BMPR1B: variants seen among roughly 807,000 people sequenced by gnomAD.
BMPR1B encodes the protein bone morphogenetic protein receptor type 1B.
A neutral mutation model predicts 59.1 loss-of-function variants in BMPR1B; 12 were observed. The observed-to-expected ratio is 0.20, with a 90% CI of 0.13 to 0.33. The LOEUF (loss-of-function observed/expected upper bound fraction) is 0.33, where lower values mean the gene tolerates loss of function less well. Among genes scored for constraint, BMPR1B ranks in the 10% least tolerant of loss-of-function variants. The pLI is 1.00. For synonymous variants in BMPR1B, 237 were observed against 207.3 expected (o/e 1.14, Z -1.23); for missense variants, 550 against 610.9 (o/e 0.90, Z 1.05).
rs1735526558 is a variant in BMPR1B, at chr4:95,157,849, G to A, written c.*3176G>A. ...GGAAAGCACTGCTCAAAAGTCATTAGTGCCCATTTTTGAATTCCCCAAACA... is the reference window on the plus strand; with the variant it reads ...GGAAAGCACTGCTCAAAAGTCATTAATGCCCATTTTTGAATTCCCCAAACA... On this transcript the variant is annotated 3_prime_UTR_variant, in exon 13 of 13. Transcript: ENST00000515059. 6.6e-6 allele frequency: 1 copy of A among 152,076 alleles called. No individual in the cohort carries two copies. The highest frequency in any genetic ancestry group is 1.9e-4 in the East Asian group (1 of 5,182). The allele number at this position is 152,076 out of a possible 1,614,324, so 9.4% of individuals were successfully genotyped here. A position where few individuals can be genotyped will look rare whatever the true frequency, so the allele number is the denominator to read the frequency against.
intron 2 of BMPR1B, among the ~76,000 whole-genome samples, chr4:94,952,465 G>C (rs544009751): frequency 1.3e-5 from 2 of 152,048 alleles, no homozygotes; most frequent in Non-Finnish European, 2.9e-5. Context: ...TTGTGTCTTC[G>C]TTCTCATTGG....
At chr4:95,000,736 TAAC>T (rs1278623868) in intron 3 of BMPR1B, among the ~76,000 whole-genome samples, 1 of 152,026 alleles carries the variant, frequency 6.6e-6, no homozygotes, top group Non-Finnish European at 1.5e-5. Context: ...GGAAAGATTA[TAAC>T]AACAACAAAC....
chr4:95,108,709 C>T (rs1437826527), intron 4 of BMPR1B, among the ~76,000 whole-genome samples: 2 of 152,202 alleles, frequency 1.3e-5, no homozygotes, highest in South Asian at 2.1e-4. Context: ...GTAGTACAAA[C>T]ATAGTGTGAC....
At chr4:95,110,689 C>A (rs1400274813) in intron 4 of BMPR1B, among the ~76,000 whole-genome samples, 2 of 152,184 alleles carry the variant, frequency 1.3e-5, no homozygotes, top group African/African-American at 2.4e-5. Flanking sequence ...CTTATGATGT[C>A]TGTCCCTATT....
intron 1 of BMPR1B, among the ~76,000 whole-genome samples, chr4:94,819,970 T>C (rs1724145192): frequency 6.6e-6 from 1 of 152,206 alleles, no homozygotes; most frequent in Non-Finnish European, 1.5e-5. Flanking sequence ...CATCCTGAGA[T>C]TTCTCCCCTG....
At chr4:94,830,315 A>G (rs990064711) in intron 1 of BMPR1B, among the ~76,000 whole-genome samples, 5 of 152,194 alleles carry the variant, frequency 3.3e-5, no homozygotes, top group Admixed American at 6.5e-5. Context: ...ATAGAATTCT[A>G]TTCATATATG....
chr4:95,106,547 C>A (rs139308645), intron 4 of BMPR1B, among the ~76,000 whole-genome samples: 37 of 151,978 alleles, frequency 2.4e-4, no homozygotes, highest in African/African-American at 8.2e-4. Flanking sequence ...ACCAGAGAGG[C>A]TTTATAAGTT....
chr4:95,126,048 C>T (rs1732882655), intron 8 of BMPR1B, among the ~76,000 whole-genome samples: 2 of 152,142 alleles, frequency 1.3e-5, no homozygotes, highest in African/African-American at 2.4e-5. Context: ...TGGCTCAAGG[C>T]CTACCTCATG....
intron 1 of BMPR1B, among the ~76,000 whole-genome samples, chr4:94,869,092 TCAAACACA>T (rs1384359279): frequency 4.0e-5 from 4 of 100,222 alleles, no homozygotes; most frequent in Admixed American, 1.4e-4. Context: ...AATTTTACTA[TCAAACACA>T]CACACACACA....
intron 2 of BMPR1B, among the ~76,000 whole-genome samples, chr4:94,974,561 A>G (rs965519865): frequency 2.0e-5 from 3 of 152,070 alleles, no homozygotes; most frequent in East Asian, 3.9e-4. Context: ...TGCTTGCTGT[A>G]TTTCTTACCT....
intron 11 of BMPR1B, among the ~76,000 whole-genome samples, chr4:95,152,167 C>T (rs1003031591): frequency 6.6e-6 from 1 of 151,984 alleles, no homozygotes; most frequent in African/African-American, 2.4e-5. Context: ...AACCACATTC[C>T]TACAATTAAG....
rs1733333766 is a variant in BMPR1B, at chr4:95,131,240, G to A, written c.804G>A (p.Gly268=). ...GTTTCATTGCTGCAGATATCAAAGG[G>A]ACAGGGTCCTGGACCCAGTTGTACC... ...ILGFIAADIK[G]TGSWTQLYLI... The change falls in exon 10 of 13, where the codon GGG becomes GGA. Residue 268 remains glycine, a synonymous_variant. Coordinates refer to ENST00000515059, the MANE Select transcript of BMPR1B (RefSeq NM_001203.3). The A allele has an allele frequency of 4.3e-6, 7 of 1,613,746 alleles. No individual in the cohort carries two copies. Among genetic ancestry groups the A allele is most frequent in the Non-Finnish European group, 5.9e-6 (7 of 1,179,904 alleles).
intron 6 of BMPR1B, among the ~76,000 whole-genome samples, chr4:95,118,219 C>A (rs1341474737): frequency 3.3e-5 from 5 of 152,108 alleles, no homozygotes; most frequent in Admixed American, 3.3e-4. Context: ...CAGATTCTTA[C>A]CTTTTTGGGC....
At chr4:94,777,755 G>C (rs1476822674) in intron 1 of BMPR1B, among the ~76,000 whole-genome samples, 1 of 152,130 alleles carries the variant, frequency 6.6e-6, no homozygotes, top group Non-Finnish European at 1.5e-5. Flanking sequence ...GCCGGGCGTG[G>C]TGTCTCACGT....
intron 10 of BMPR1B, among the ~76,000 whole-genome samples, chr4:95,134,340 T>C (rs1223467347): frequency 2.0e-5 from 3 of 152,228 alleles, no homozygotes; most frequent in African/African-American, 4.8e-5. Flanking sequence ...TGTGTGCATG[T>C]GTCTTTATAG....
intron 9 of BMPR1B, 68 bp downstream of exon 9, chr4:95,130,122 G>A: frequency 6.5e-7 from 1 of 1,529,442 alleles, no homozygotes; most frequent in South Asian, 1.1e-5. Flanking sequence ...GTTAACATCT[G>A]CATGTTAACT....
At chr4:95,075,809 C>T (rs1211263492) in intron 3 of BMPR1B, among the ~76,000 whole-genome samples, 1 of 152,084 alleles carries the variant, frequency 6.6e-6, no homozygotes, top group African/African-American at 2.4e-5. Context: ...ACTAGTTGGC[C>T]TGCCTTTTGG....
Position 95,116,421 on chromosome 4 carries a change from G to GCGCGCACACACACACACACACACACACA in BMPR1B, c.349+635_349+636insGCGCACACACACACACACACACACACAC. ...CTCCTCCTCCATGCTTTCAGCGCGC[G>GCGCGCACACACACACACACACACACACA]CACACACACACACACACACACACAC... is the stretch of plus-strand genomic sequence containing the variant. On this transcript the variant is annotated intron_variant, in intron 6 of 12. Coordinates refer to ENST00000515059, the MANE Select transcript of BMPR1B (RefSeq NM_001203.3). Among the ~76,000 whole-genome samples the GCGCGCACACACACACACACACACACACA allele has an allele frequency of 8.6e-4, 106 of 123,240 alleles. 1 individual carries two copies. The highest frequency in any genetic ancestry group is 3.5e-3 in the African/African-American group (98 of 27,848). 80.9% of individuals were successfully genotyped at this position (123,240 alleles called of 152,430 possible).
chr4:94,825,013 A>G (rs1195869380), intron 1 of BMPR1B, among the ~76,000 whole-genome samples: 1 of 152,160 alleles, frequency 6.6e-6, no homozygotes, highest in Non-Finnish European at 1.5e-5. Context: ...AAAAAGAAGG[A>G]CGTTTAGAAT....
Sources: allele counts gnomAD v4.1 joint callset (sites outside exome capture counted in the v4.1 genomes callset), GRCh38; gene constraint gnomAD v4.1.1; transcripts MANE v1.5; gene names NCBI Gene and HGNC (gene_info 2026-07-23, HGNC 2026-07-21).